The following HPSE2 variants were observed in gnomAD, a reference collection of about 807,000 sequenced individuals.
HPSE2 encodes the protein inactive heparanase-2.
Under a neutral mutation model 60.5 loss-of-function variants are expected in HPSE2, and 38 were observed. That is an observed-to-expected ratio of 0.63 (90% CI 0.48 to 0.82). The LOEUF is 0.82. Among genes scored for constraint, HPSE2 ranks in the 40% least tolerant of loss-of-function variants. The pLI is 0.00. For missense variants in HPSE2, 713 were observed against 740.4 expected (o/e 0.96, Z 0.43); for synonymous variants, 295 against 293.2 (o/e 1.01, Z -0.06).
chr10:98,638,136 T>A (rs1589549029), intron 7 of HPSE2, among the ~76,000 whole-genome samples: 5 of 20,844 alleles, frequency 2.4e-4, no homozygotes, highest in South Asian at 1.5e-3. Context: ...GAGACCCATC[T>A]CAAAAAAAAA....
intron 9 of HPSE2, among the ~76,000 whole-genome samples, chr10:98,497,062 G>C (rs1941865992): frequency 6.6e-6 from 1 of 151,682 alleles, no homozygotes; most frequent in Admixed American, 6.6e-5. Flanking sequence ...AAAATGATTT[G>C]ATGTATACTA....
chr10:99,051,695 C>G (rs1957994867), intron 3 of HPSE2, among the ~76,000 whole-genome samples: 1 of 152,208 alleles, frequency 6.6e-6, no homozygotes, highest in African/African-American at 2.4e-5. Flanking sequence ...GAGGTTTCAG[C>G]TGCTACCTAA....
At chr10:98,942,701 C>T (rs10786488) in intron 3 of HPSE2, among the ~76,000 whole-genome samples, 115,411 of 151,928 alleles carry the variant, frequency 0.76, 44,193 homozygotes, top group East Asian at 0.86. Flanking sequence ...GAACTAGAAA[C>T]ACCATTTGAC....
At chr10:98,982,688 T>C (rs897161569) in intron 3 of HPSE2, among the ~76,000 whole-genome samples, 1 of 152,144 alleles carries the variant, frequency 6.6e-6, no homozygotes, top group South Asian at 2.1e-4. Flanking sequence ...ATAATCCTAA[T>C]AAGCAATCAA....
the HPSE2 span, among the ~76,000 whole-genome samples, chr10:99,308,379 C>CAAAA: frequency 6.4e-3 from 181 of 28,136 alleles, 21 homozygotes; most frequent in South Asian, 0.033. Flanking sequence ...GACTCTGTCT[C>CAAAA]AAAAAAAAAA....
intron 3 of HPSE2, among the ~76,000 whole-genome samples, chr10:98,912,330 G>C (rs1202965147): frequency 6.6e-6 from 1 of 152,096 alleles, no homozygotes; most frequent in Non-Finnish European, 1.5e-5. Context: ...GTGAATGTAG[G>C]TCTCTCTTCT....
At chr10:99,047,974 T>C (rs1412936048) in intron 3 of HPSE2, 1 of 717,610 alleles carries the variant, frequency 1.4e-6, no homozygotes, top group African/African-American at 1.7e-5. Context: ...TTCCGTTTCT[T>C]TGCCTTCATC....
chr10:98,804,213 A>T (rs561753964), intron 3 of HPSE2, among the ~76,000 whole-genome samples: 68 of 152,154 alleles, frequency 4.5e-4, no homozygotes, highest in African/African-American at 1.6e-3. Context: ...CAGCTTAAGG[A>T]GATTTTGGCA....
At chr10:99,239,193 T>C (rs1849908816), upstream of HPSE2, among the ~76,000 whole-genome samples, 2 of 151,764 alleles carry the variant, frequency 1.3e-5, no homozygotes, top group African/African-American at 2.4e-5. Flanking sequence ...AATTAAAAAA[T>C]AAAATATGAA....
At chr10:99,152,810 G>C (rs535963818) in intron 2 of HPSE2, among the ~76,000 whole-genome samples, 239 of 152,308 alleles carry the variant, frequency 1.6e-3, no homozygotes, top group Non-Finnish European at 2.7e-3. Context: ...CGCAGAAGAC[G>C]GGTGATTTCT....
At chr10:98,960,676 G>C (rs1589430601) in intron 3 of HPSE2, among the ~76,000 whole-genome samples, 1 of 116,368 alleles carries the variant, frequency 8.6e-6, no homozygotes, top group African/African-American at 3.1e-5. Context: ...CATCTTCTTT[G>C]AATTACAGTT....
chr10:98,734,020 G>A (rs1470467865), intron 4 of HPSE2, among the ~76,000 whole-genome samples: 1 of 152,084 alleles, frequency 6.6e-6, no homozygotes, highest in Non-Finnish European at 1.5e-5. Context: ...CCCCTCATGG[G>A]CTCCCCAGCC....
Position 99,140,508 on chromosome 10 carries a change from G to C in HPSE2, c.610+3730C>G, listed in dbSNP as rs573352827. 3.3e-5 allele frequency among the ~76,000 whole-genome samples: 5 copies of C among 152,286 alleles called. No individual in the cohort carries two copies. The South Asian group carries it at 1.0e-3, about 32-fold the overall frequency. On this transcript the variant is annotated intron_variant, in intron 3 of 11. Coordinates refer to ENST00000370552, the MANE Select transcript of HPSE2 (RefSeq NM_021828.5). ...TTCACTATGCTTTACATGCAATCCAGAATGCTGCACACATATGATATTCCT... is the reference window on the plus strand; with the variant it reads ...TTCACTATGCTTTACATGCAATCCACAATGCTGCACACATATGATATTCCT...
chr10:98,773,835 C>T (rs985217639), intron 3 of HPSE2, among the ~76,000 whole-genome samples: 2 of 152,138 alleles, frequency 1.3e-5, no homozygotes, highest in East Asian at 1.9e-4. Flanking sequence ...GAAAGGATTG[C>T]TTTTGAGCTC....
At chr10:99,192,296 G>C (rs1044662296) in intron 2 of HPSE2, among the ~76,000 whole-genome samples, 2 of 152,122 alleles carry the variant, frequency 1.3e-5, no homozygotes, top group African/African-American at 2.4e-5. Flanking sequence ...TATCTCTCAA[G>C]ACATTAAATA....
intron 4 of HPSE2, among the ~76,000 whole-genome samples, chr10:98,739,498 A>C (rs934290774): frequency 5.3e-5 from 8 of 152,110 alleles, no homozygotes; most frequent in African/African-American, 1.9e-4. Context: ...TAAATACATC[A>C]TACATTTATC....
At chr10:98,984,945 A>T (rs901113448) in intron 3 of HPSE2, among the ~76,000 whole-genome samples, 2 of 152,208 alleles carry the variant, frequency 1.3e-5, no homozygotes, top group African/African-American at 4.8e-5. Context: ...TAGAGAAAAA[A>T]GAATAAAAAG....
intron 3 of HPSE2, among the ~76,000 whole-genome samples, chr10:98,870,041 G>A (rs1952690990): frequency 6.6e-6 from 1 of 152,090 alleles, no homozygotes; most frequent in South Asian, 2.1e-4. Context: ...GAAAAATATA[G>A]TGCTTGCAAA....
At chr10:98,777,780 C>T (rs1419312842) in intron 3 of HPSE2, among the ~76,000 whole-genome samples, 1 of 152,140 alleles carries the variant, frequency 6.6e-6, no homozygotes, top group East Asian at 1.9e-4. Context: ...CTTCCCTTGT[C>T]ACATCATGCT....
Sources: allele counts gnomAD v4.1 joint callset (sites outside exome capture counted in the v4.1 genomes callset), GRCh38; gene constraint gnomAD v4.1.1; transcripts MANE v1.5; gene names NCBI Gene and HGNC (gene_info 2026-07-23, HGNC 2026-07-21).